The following MAP4K5 variants were observed in gnomAD, a reference collection of about 807,000 sequenced individuals.
The protein encoded by MAP4K5 is MAPK/ERK kinase kinase kinase 5.
A neutral mutation model predicts 135.6 loss-of-function variants in MAP4K5; 82 were observed. The observed-to-expected ratio is 0.60, with a 90% CI of 0.51 to 0.73. The LOEUF (loss-of-function observed/expected upper bound fraction) is 0.73, where lower values mean the gene tolerates loss of function less well. Among genes scored for constraint, MAP4K5 ranks in the 30% least tolerant of loss-of-function variants. MAP4K5 has a pLI of 0.00. For synonymous variants in MAP4K5, 347 were observed against 335.0 expected, an observed-to-expected ratio of 1.04 and a Z score of -0.39; for missense variants, 907 against 1,010.9, an observed-to-expected ratio of 0.90 and a Z score of 1.39.
At position 50,444,283 on chromosome 14, in the gene MAP4K5, C is replaced by T. The variant is rs77506838; in HGVS notation, c.1340-247G>A. Among the ~76,000 whole-genome samples the T allele has an allele frequency of 9.2e-3, 1,407 of 152,284 alleles. 7 individuals carry two copies. The highest frequency in any genetic ancestry group is 0.014 in the Non-Finnish European group (929 of 68,026). On this transcript the variant is annotated intron_variant, in intron 18 of 32. Coordinates refer to ENST00000682126, the MANE Select transcript of MAP4K5 (RefSeq NM_006575.6). ...GAAGAAAAAAAATCTGACCTACTGACTCTGATATGCAAGGCTTTTTATAAT... is the reference window on the plus strand; with the variant it reads ...GAAGAAAAAAAATCTGACCTACTGATTCTGATATGCAAGGCTTTTTATAAT...
At chr14:50,549,640 C>T (rs553267113) in intron 1 of MAP4K5, among the ~76,000 whole-genome samples, 67 of 152,092 alleles carry the variant, frequency 4.4e-4, no homozygotes, top group Non-Finnish European at 8.1e-4. Context: ...TGGCATGCTA[C>T]GAAGAATATA....
At chr14:50,425,039 G>A (rs916738153) in intron 31 of MAP4K5, among the ~76,000 whole-genome samples, 5 of 152,222 alleles carry the variant, frequency 3.3e-5, no homozygotes, top group Admixed American at 6.5e-5. Flanking sequence ...AAGTAAGAGT[G>A]TGGATAAAAC....
chr14:50,438,115 T>C (rs747833900), intron 23 of MAP4K5, 21 bp from the exon 24 acceptor site: 5 of 767,474 alleles, frequency 6.5e-6, no homozygotes, highest in East Asian at 2.5e-5. Context: ...AGTCCAGTAA[T>C]GTTCAAAAAG....
At chr14:50,506,741 G>C (rs897004667) in intron 2 of MAP4K5, among the ~76,000 whole-genome samples, 6 of 152,146 alleles carry the variant, frequency 3.9e-5, no homozygotes, top group Non-Finnish European at 2.9e-5. Context: ...AGGGTAAGAA[G>C]GTGTCTCAGG....
intron 28 of MAP4K5, among the ~76,000 whole-genome samples, chr14:50,431,587 A>AT (rs1379464910): frequency 2.0e-5 from 3 of 152,076 alleles, no homozygotes; most frequent in African/African-American, 7.2e-5. Context: ...TGAACTCATC[A>AT]TTTTTTATGG....
intron 2 of MAP4K5, among the ~76,000 whole-genome samples, chr14:50,506,300 G>A (rs1566684225): frequency 6.6e-6 from 1 of 152,084 alleles, no homozygotes; most frequent in Non-Finnish European, 1.5e-5. Context: ...TAGAATGGGG[G>A]AGAGATATAC....
chr14:50,438,429 A>C (rs996581616), intron 23 of MAP4K5: 1 of 157,362 alleles, frequency 6.4e-6, no homozygotes, highest in Non-Finnish European at 1.4e-5. Context: ...TCAATAACTT[A>C]ACAAATTACC....
chr14:50,482,301 C>G (rs2037261627), intron 6 of MAP4K5, 60 bp downstream of exon 6: 6 of 1,009,382 alleles, frequency 5.9e-6, no homozygotes, highest in Non-Finnish European at 7.0e-6. Context: ...GCCTTTCTAA[C>G]TACATTAAGA....
At chr14:50,497,238 T>C (rs2037614333) in intron 3 of MAP4K5, among the ~76,000 whole-genome samples, 1 of 152,204 alleles carries the variant, frequency 6.6e-6, no homozygotes, top group East Asian at 1.9e-4. Flanking sequence ...TTGAGCATAA[T>C]GAATGTACAA....
At chr14:50,527,094 A>T (rs1388649943) in intron 2 of MAP4K5, among the ~76,000 whole-genome samples, 1 of 152,194 alleles carries the variant, frequency 6.6e-6, no homozygotes, top group Admixed American at 6.5e-5. Flanking sequence ...TAATTCCAGC[A>T]CTTTGGGAGG....
At chr14:50,533,617 A>G (rs983897172), upstream of MAP4K5, among the ~76,000 whole-genome samples, 7 of 152,176 alleles carry the variant, frequency 4.6e-5, no homozygotes, top group African/African-American at 9.7e-5. Flanking sequence ...CTAGAGCCTC[A>G]TAGAGAATTT....
At position 50,558,319 on chromosome 14, in the gene MAP4K5, A is replaced by G. The variant is rs2038790136; in HGVS notation, c.-180+2721T>C. On this transcript the variant is annotated intron_variant, in intron 1 of 8. Coordinates refer to the MAP4K5 transcript ENST00000555216. ...GGTTGTAGTGAGCTGAGATCACGCC[A>G]CTGCACTCCGGCCTGGGCAACAGAG... 2.0e-5 allele frequency among the ~76,000 whole-genome samples: 3 copies of G among 152,328 alleles called. No homozygotes were observed. In the South Asian group the frequency reaches 6.2e-4, roughly 32 times the overall value.
intron 1 of MAP4K5, among the ~76,000 whole-genome samples, chr14:50,553,492 C>T (rs2038728277): frequency 6.6e-6 from 1 of 151,952 alleles, no homozygotes; most frequent in Admixed American, 6.6e-5. Flanking sequence ...AGCTCTTTTA[C>T]GCTGCTGGTG....
At position 50,427,943 on chromosome 14, in the gene MAP4K5, C is replaced by T. The variant is rs543277140; in HGVS notation, c.2326+719G>A. ...TGGCAAAGAATTATGGCATATCTAACACTGTTATCGCATCACACAAATACC... is the reference window on the plus strand; with the variant it reads ...TGGCAAAGAATTATGGCATATCTAATACTGTTATCGCATCACACAAATACC... On this transcript the variant is annotated intron_variant, in intron 30 of 32. Coordinates refer to ENST00000682126, the MANE Select transcript of MAP4K5 (RefSeq NM_006575.6). Among the ~76,000 whole-genome samples, 9 of 152,274 alleles carry T rather than the reference C, an allele frequency of 5.9e-5. No individual in the cohort carries two copies. In the East Asian group the frequency reaches 1.7e-3, roughly 29 times the overall value.
At chr14:50,472,901 CA>C (rs2036998271) in intron 9 of MAP4K5, among the ~76,000 whole-genome samples, 1 of 152,060 alleles carries the variant, frequency 6.6e-6, no homozygotes, top group Non-Finnish European at 1.5e-5. Flanking sequence ...GACTAATGCT[CA>C]AAACATGCAC....
At chr14:50,440,939 T>G (rs1334120131) in intron 21 of MAP4K5, among the ~76,000 whole-genome samples, 1 of 152,146 alleles carries the variant, frequency 6.6e-6, no homozygotes, top group Non-Finnish European at 1.5e-5. Context: ...CCTAGAAATC[T>G]TGCTGTGCCA....
Position 50,424,818 on chromosome 14 carries a change from C to A in MAP4K5, c.2397+1089G>T, listed in dbSNP as rs558263404. On this transcript the variant is annotated intron_variant, in intron 31 of 32. Coordinates refer to ENST00000682126, the MANE Select transcript of MAP4K5 (RefSeq NM_006575.6). ...TGTAGATTTCTAACCATAGGAGTGA[C>A]ATAATGAAAATAGCATTTAAGAATA... Among the ~76,000 whole-genome samples, 19 of 150,448 alleles carry A rather than the reference C, an allele frequency of 1.3e-4. 1 individual carries two copies. In the South Asian group the frequency reaches 4.0e-3, roughly 32 times the overall value.
In MAP4K5 at chr14:50,466,708, A is replaced by T. The variant is rs528407699; in HGVS notation, c.675-63T>A. The T allele has an allele frequency of 2.7e-4, 200 of 743,428 alleles. 5 individuals carry two copies. In the East Asian group the frequency reaches 5.4e-3, roughly 20 times the overall value. The allele number at this position is 743,428 out of a possible 1,614,324, so 46.1% of individuals were successfully genotyped here. ...TTACTACATCTAACAATTAGAAAGAATATTCTGTAATGAATTTATACAAGA... is the reference window on the plus strand; with the variant it reads ...TTACTACATCTAACAATTAGAAAGATTATTCTGTAATGAATTTATACAAGA... On this transcript the variant is annotated intron_variant, in intron 10 of 32. Transcript: ENST00000682126.
At position 50,521,863 on chromosome 14, in the gene MAP4K5, T is replaced by C. The variant is rs377107577; in HGVS notation, c.108+10079A>G. 7.2e-5 allele frequency among the ~76,000 whole-genome samples: 11 copies of C among 152,348 alleles called. No homozygotes were observed. In the East Asian group the frequency reaches 7.7e-4, roughly 11 times the overall value. ...AAACTTGACTAGTACTTCACGTCACTGGAAAGCAATAGCCTTCTAATAAAA... is the reference window on the plus strand; with the variant it reads ...AAACTTGACTAGTACTTCACGTCACCGGAAAGCAATAGCCTTCTAATAAAA... On this transcript the variant is annotated intron_variant, in intron 2 of 32. Transcript: ENST00000682126.
Sources: allele counts gnomAD v4.1 joint callset (sites outside exome capture counted in the v4.1 genomes callset), GRCh38; gene constraint gnomAD v4.1.1; transcripts MANE v1.5; gene names NCBI Gene and HGNC (gene_info 2026-07-23, HGNC 2026-07-21).